The following DNM1L variants were observed in gnomAD, a reference collection of about 807,000 sequenced individuals.
The protein encoded by DNM1L is dynamin-1-like protein.
In DNM1L, 33 loss-of-function variants were observed where a neutral mutation model predicts 92.8. The ratio of observed to expected loss-of-function variants is 0.36; its 90% CI spans 0.27 to 0.48. The LOEUF (loss-of-function observed/expected upper bound fraction) is 0.48, where lower values mean the gene tolerates loss of function less well. DNM1L is among the 20% of genes least tolerant of loss of function. The probability of loss-of-function intolerance (pLI) is 0.99; values close to 1 mark genes in which losing one functional copy is unlikely to be tolerated. For missense variants in DNM1L, 485 were observed against 888.8 expected (o/e 0.55, Z 5.78); for synonymous variants, 284 against 305.0 (o/e 0.93, Z 0.72).
Position 32,743,765 on chromosome 12 carries a change from C to A in DNM1L, c.*355C>A. On this transcript the variant is annotated 3_prime_UTR_variant, in exon 20 of 20. Transcript: ENST00000549701. ...ATAATCTTTGTTAGTAGTCTTAAAG[C>A]TGCTGCCATAGTCCTCCAAGAAGAA... 1 of 273,790 alleles carries A rather than the reference C, an allele frequency of 3.7e-6. No homozygotes were observed. Among genetic ancestry groups the A allele is most frequent in the Non-Finnish European group, 7.0e-6 (1 of 142,712 alleles). 17.0% of individuals were successfully genotyped at this position (273,790 alleles called of 1,614,324 possible).
rs765658532 is a variant in DNM1L at position 32,713,489 on chromosome 12, T to A, written c.619+118T>A. On this transcript the variant is annotated intron_variant, in intron 6 of 19. Coordinates refer to ENST00000549701, the MANE Select transcript of DNM1L (RefSeq NM_012062.5). ...TGGTTTTGAATACAAATTTAAAAGA[T>A]AATGCTTTCCTATTTTTGTTTATAA... The A allele has an allele frequency of 8.9e-6, 10 of 1,126,536 alleles. No homozygotes were observed. In the East Asian group the frequency reaches 2.0e-4, roughly 22 times the overall value. 69.8% of individuals were successfully genotyped at this position (1,126,536 alleles called of 1,614,324 possible). A position where few individuals can be genotyped will look rare whatever the true frequency, so the allele number is the denominator to read the frequency against.
chr12:32,681,252 G>A (rs1951790283), intron 1 of DNM1L, among the ~76,000 whole-genome samples: 1 of 152,266 alleles, frequency 6.6e-6, no homozygotes, highest in African/African-American at 2.4e-5. Context: ...TTCCATCTAA[G>A]TTCTTATTAG....
intron 2 of DNM1L, among the ~76,000 whole-genome samples, chr12:32,702,233 C>CAAAAAAAAAAAAA (rs1179046487): frequency 7.4e-5 from 6 of 81,318 alleles, no homozygotes; most frequent in East Asian, 5.0e-4. Flanking sequence ...GACTCCGTCT[C>CAAAAAAAAAAAAA]AAAAAAAAAA....
chr12:32,711,387 G>A (rs576067818), intron 5 of DNM1L: 12 of 210,462 alleles, frequency 5.7e-5, no homozygotes, highest in South Asian at 1.6e-4. Flanking sequence ...TATATTGACG[G>A]CATTCAAATA....
chr12:32,691,459 G>C (rs1011651897), intron 1 of DNM1L, among the ~76,000 whole-genome samples: 18 of 152,048 alleles, frequency 1.2e-4, no homozygotes, highest in Non-Finnish European at 2.4e-4. Context: ...TGGCCAGGAT[G>C]GTCTCAATCT....
chr12:32,717,406 A>ATTTTAAATATATACT (rs1297468201), intron 6 of DNM1L, among the ~76,000 whole-genome samples: 1 of 71,574 alleles, frequency 1.4e-5, no homozygotes, highest in Non-Finnish European at 2.5e-5. Flanking sequence ...TATAATATAT[A>ATTTTAAATATATACT]ATATATATTT....
At chr12:32,698,632 AAAAT>A (rs1213096169) in intron 1 of DNM1L, among the ~76,000 whole-genome samples, 1 of 152,230 alleles carries the variant, frequency 6.6e-6, no homozygotes, top group Non-Finnish European at 1.5e-5. Flanking sequence ...GCATTTGTAG[AAAAT>A]AAATTTTTAA....
chr12:32,694,273 A>G (rs1336770509), intron 1 of DNM1L, among the ~76,000 whole-genome samples: 1 of 151,918 alleles, frequency 6.6e-6, no homozygotes, highest in Admixed American at 6.6e-5. Flanking sequence ...TTTAGTTGAG[A>G]TGGGGTTTCA....
At chr12:32,732,647 T>A (rs565387334) in intron 12 of DNM1L, 1 of 450,406 alleles carries the variant, frequency 2.2e-6, no homozygotes, top group South Asian at 1.6e-5. Context: ...TTAGCAAGGA[T>A]AGCCCTCAGA....
chr12:32,740,302 T>A, intron 17 of DNM1L, 62 bp downstream of exon 17: 1 of 1,612,660 alleles, frequency 6.2e-7, no homozygotes, highest in African/African-American at 1.3e-5. Flanking sequence ...GGAAAACGAT[T>A]AGACAGAAAG....
In DNM1L at chr12:32,731,183, T is replaced by G. The variant is rs781174252; in HGVS notation, c.1200+49T>G. ...CTGTAAAAAAAAATGAGGTTAAAGT[T>G]TTTCTTACCCATATACTGTGTCTTT... On this transcript the variant is annotated intron_variant, in intron 10 of 19. Coordinates refer to ENST00000549701, the MANE Select transcript of DNM1L (RefSeq NM_012062.5). The surrounding 1 kb of genome is among the most constrained non-coding windows in gnomAD (Gnocchi z 5.1). 152 of 1,612,636 alleles carry G rather than the reference T, an allele frequency of 9.4e-5. No homozygotes were observed. In the East Asian group the frequency reaches 3.4e-3, roughly 36 times the overall value.
At chr12:32,723,634 T>G (rs1953909036) in intron 9 of DNM1L, among the ~76,000 whole-genome samples, 1 of 140,152 alleles carries the variant, frequency 7.1e-6, no homozygotes, top group African/African-American at 2.7e-5. Flanking sequence ...GCGGAGGTTG[T>G]GGTGAGCCGA....
chr12:32,718,521 T>C (rs1953656362), intron 6 of DNM1L, 122 bp from the exon 7 acceptor site: 1 of 1,217,086 alleles, frequency 8.2e-7, no homozygotes, highest in Non-Finnish European at 1.2e-6. Flanking sequence ...ACCAAAATGA[T>C]GACAGAGGTA....
Position 32,722,493 on chromosome 12 carries a change from T to C in DNM1L, c.939T>C (p.Ala313=). 3 of 1,613,416 alleles carry C rather than the reference T, an allele frequency of 1.9e-6. No homozygotes were observed. The highest frequency in any genetic ancestry group is 2.5e-6 in the Non-Finnish European group (3 of 1,179,984). ...ELKTRINVLA[A]QYQSLLNSYG... is the part of the protein sequence containing the mutation. ...AAACAAGAATAAATGTTCTAGCTGC[T>C]CAGTATCAGTCTCTTCTAAATAGCT... Residue 313 remains alanine, a synonymous_variant, in exon 9 of 20, where the codon GCT becomes GCC. Transcript: ENST00000549701.
In DNM1L at chr12:32,731,242, T is replaced by A. The variant is rs1028019542; in HGVS notation, c.1200+108T>A. ...AATTATACAGTTTATTTTGCTCTCA[T>A]ATTTGAAATTAAAAAGCATTTTTCA... On this transcript the variant is annotated intron_variant, in intron 10 of 19. Transcript: ENST00000549701. The surrounding 1 kb of genome is among the most constrained non-coding windows in gnomAD (Gnocchi z 5.1). 1.3e-6 allele frequency: 2 copies of A among 1,588,492 alleles called. No homozygotes were observed. Among genetic ancestry groups the A allele is most frequent in the Non-Finnish European group, 1.7e-6 (2 of 1,165,332 alleles).
At chr12:32,742,919 G>A (rs1201263980) in intron 19 of DNM1L, among the ~76,000 whole-genome samples, 171 bp downstream of exon 19, 1 of 132,338 alleles carries the variant, frequency 7.6e-6, no homozygotes, top group East Asian at 2.1e-4. Flanking sequence ...TTTTTGAGTG[G>A]GAGTCTGGCT....
At chr12:32,719,212 G>A (rs1449035489) in intron 7 of DNM1L, among the ~76,000 whole-genome samples, 1 of 152,112 alleles carries the variant, frequency 6.6e-6, no homozygotes, top group Admixed American at 6.6e-5. Flanking sequence ...TGGTTTCCCA[G>A]GTGCTGGGAT....
At chr12:32,726,432 G>A in intron 9 of DNM1L, 1 of 1,459,358 alleles carries the variant, frequency 6.9e-7, no homozygotes, top group South Asian at 1.1e-5. Context: ...GTCATAGTCT[G>A]GATCATTTTC....
intron 2 of DNM1L, chr12:32,705,802 G>A (rs1406493989): frequency 6.3e-7 from 1 of 1,596,154 alleles, no homozygotes; most frequent in East Asian, 2.2e-5. Context: ...AACTTATTCT[G>A]TGCTGTTTCT....
Sources: gnomAD v4.1 joint callset for allele counts (sites outside exome capture counted in the v4.1 genomes callset) on GRCh38, gnomAD v4.1.1 for gene constraint, Gnocchi (gnomAD v3.1) non-coding constraint, MANE v1.5 for transcripts, NCBI Gene and HGNC (gene_info 2026-07-23, HGNC 2026-07-21) for gene names.